Variants in PRKN observed in about 807,000 individuals in gnomAD.
PRKN encodes parkin RBR E3 ubiquitin protein ligase, also known as E3 ubiquitin-protein ligase parkin.
PRKN carries 56 observed loss-of-function variants against 59.5 expected under a neutral mutation model. The ratio of observed to expected loss-of-function variants is 0.94; its 90% CI spans 0.76 to 1.18. The LOEUF (loss-of-function observed/expected upper bound fraction) is 1.18. Among genes scored for constraint, PRKN ranks in the 50% most tolerant of loss-of-function variants. The pLI is 0.00. For synonymous variants in PRKN, 250 were observed against 222.1 expected (o/e 1.13, Z -1.12); for missense variants, 657 against 596.4 (o/e 1.10, Z -1.06).
rs1789143030 is a variant in PRKN at position 161,440,207 on chromosome 6, C to A, written c.1084-53330G>T. Among the ~76,000 whole-genome samples, 2 of 152,088 alleles carry A rather than the reference C, an allele frequency of 1.3e-5. No homozygotes were observed. The highest frequency in any genetic ancestry group is 4.1e-4 in the South Asian group (2 of 4,828). ...TGACCTCGTGATCCGCCCGTCTCGG[C>A]CTCCCAAAGTGCTGGGATTACAGGT... On this transcript the variant is annotated intron_variant, in intron 9 of 11. Coordinates refer to ENST00000366898, the MANE Select transcript of PRKN (RefSeq NM_004562.3). This position sits in a 1 kb window ranked among gnomAD's most constrained non-coding sequence, Gnocchi z 4.1.
intron 1 of PRKN, among the ~76,000 whole-genome samples, chr6:162,597,655 A>G (rs1047680486): frequency 6.6e-6 from 1 of 152,136 alleles, no homozygotes; most frequent in African/African-American, 2.4e-5. Flanking sequence ...TCCAATCTTG[A>G]TTCTTACTCC....
intron 7 of PRKN, among the ~76,000 whole-genome samples, chr6:161,701,857 T>A (rs1583025898): frequency 6.6e-6 from 1 of 152,210 alleles, no homozygotes; most frequent in African/African-American, 2.4e-5. Context: ...AAATAGCATG[T>A]ATCCCAAAAA....
rs1037159784 is a variant in PRKN, at chr6:161,503,764, G to C, written c.1083+45090C>G. On this transcript the variant is annotated intron_variant, in intron 9 of 11. Transcript: ENST00000366898. This position sits in a 1 kb window ranked among gnomAD's most constrained non-coding sequence, Gnocchi z 5.1. ...TAAACATCACTCACTGCACCACAGGGTGGCCGTGACACAAAGTCAGATGTG... is the reference window on the plus strand; with the variant it reads ...TAAACATCACTCACTGCACCACAGGCTGGCCGTGACACAAAGTCAGATGTG... Among the ~76,000 whole-genome samples the C allele has an allele frequency of 1.3e-5, 2 of 152,218 alleles. No homozygotes were observed. Among genetic ancestry groups the C allele is most frequent in the Non-Finnish European group, 2.9e-5 (2 of 68,036 alleles).
chr6:162,466,859 C>A (rs956797634), intron 1 of PRKN, among the ~76,000 whole-genome samples: 1 of 151,918 alleles, frequency 6.6e-6, no homozygotes, highest in Non-Finnish European at 1.5e-5. Context: ...TTCATCACTG[C>A]TAAGTAAGGT....
At chr6:161,699,848 T>C (rs1188520802) in intron 7 of PRKN, among the ~76,000 whole-genome samples, 1 of 152,150 alleles carries the variant, frequency 6.6e-6, no homozygotes, top group African/African-American at 2.4e-5. Context: ...ACTGTACACT[T>C]TCAACATGTG....
intron 1 of PRKN, among the ~76,000 whole-genome samples, chr6:162,651,033 A>G (rs1384634713): frequency 6.6e-6 from 1 of 152,212 alleles, no homozygotes; most frequent in Non-Finnish European, 1.5e-5. Context: ...TGCCTTTTCT[A>G]GATAGGATAG....
intron 8 of PRKN, among the ~76,000 whole-genome samples, chr6:161,563,685 T>C (rs1020087589): frequency 6.6e-6 from 1 of 152,130 alleles, no homozygotes; most frequent in Non-Finnish European, 1.5e-5. Context: ...TTAATCCAAA[T>C]CTAAAAAATC....
chr6:161,386,740 G>A lies in PRKN; in HGVS notation c.1167+54C>T. On this transcript the variant is annotated intron_variant, in intron 10 of 11. Transcript: ENST00000366898. This position sits in a 1 kb window ranked among gnomAD's most constrained non-coding sequence, Gnocchi z 4.3. ...CCATGACCTCCAGGAAACGGCTCCA[G>A]TCCCCCACTGTATCCGGAGCCCTGC... 1 of 1,368,456 alleles carries A rather than the reference G, an allele frequency of 7.3e-7. No homozygotes were observed. Among genetic ancestry groups the A allele is most frequent in the Non-Finnish European group, 1.0e-6 (1 of 956,024 alleles). The allele number at this position is 1,368,456 out of a possible 1,614,324, so 84.8% of individuals were successfully genotyped here. A position where few individuals can be genotyped will look rare whatever the true frequency, so the allele number is the denominator to read the frequency against.
In PRKN at chr6:161,353,816, G is replaced by A. The variant is rs540064087; in HGVS notation, c.1286-3605C>T. Among the ~76,000 whole-genome samples the A allele has an allele frequency of 1.8e-4, 27 of 152,240 alleles. No homozygotes were observed. Among genetic ancestry groups the A allele is most frequent in the African/African-American group, 6.5e-4 (27 of 41,540 alleles). ...TGTGGGACTGAGCCCCCAGCCTGAGGGATCAGACACTATTTCCTGGTAGAC... is the reference window on the plus strand; with the variant it reads ...TGTGGGACTGAGCCCCCAGCCTGAGAGATCAGACACTATTTCCTGGTAGAC... On this transcript the variant is annotated intron_variant, in intron 11 of 11. Transcript: ENST00000366898. This position sits in a 1 kb window ranked among gnomAD's most constrained non-coding sequence, Gnocchi z 4.8.
chr6:162,077,107 C>T (rs1044484593), intron 4 of PRKN, among the ~76,000 whole-genome samples: 1 of 152,088 alleles, frequency 6.6e-6, no homozygotes, highest in East Asian at 1.9e-4. Context: ...TCACCAGGAA[C>T]GTGGCAGACA....
chr6:162,001,338 T>C (rs952315023), intron 5 of PRKN, among the ~76,000 whole-genome samples: 14 of 152,078 alleles, frequency 9.2e-5, no homozygotes, highest in African/African-American at 3.4e-4. Flanking sequence ...ATTTTCCTCA[T>C]ACAGATCTTG....
At chr6:161,745,355 A>T (rs1788371453) in intron 7 of PRKN, among the ~76,000 whole-genome samples, 1 of 152,188 alleles carries the variant, frequency 6.6e-6, no homozygotes, top group Non-Finnish European at 1.5e-5. Flanking sequence ...GGCTGAAAGC[A>T]TTTCCTAACA....
At chr6:162,694,382 C>A (rs1054182597) in intron 1 of PRKN, among the ~76,000 whole-genome samples, 2 of 152,066 alleles carry the variant, frequency 1.3e-5, no homozygotes, top group African/African-American at 2.4e-5. Flanking sequence ...CAGCAGAATG[C>A]GAGGCCTTCA....
intron 4 of PRKN, among the ~76,000 whole-genome samples, chr6:162,135,009 A>C (rs962154697): frequency 2.0e-5 from 3 of 152,202 alleles, no homozygotes; most frequent in Non-Finnish European, 4.4e-5. Context: ...TATCACTACA[A>C]CTGGGAATAA....
intron 9 of PRKN, among the ~76,000 whole-genome samples, chr6:161,507,354 T>A (rs184955646): frequency 6.6e-6 from 1 of 152,286 alleles, no homozygotes; most frequent in Non-Finnish European, 1.5e-5. Context: ...GAATGATCCA[T>A]TTCCTATCAA....
At chr6:161,880,561 C>T (rs954861155) in intron 6 of PRKN, among the ~76,000 whole-genome samples, 1 of 152,160 alleles carries the variant, frequency 6.6e-6, no homozygotes, top group Non-Finnish European at 1.5e-5. Context: ...AAAGACAGTG[C>T]GGTCACAGCC....
At position 161,538,181 on chromosome 6, in the gene PRKN, A is replaced by G. The variant is rs1390476426; in HGVS notation, c.1083+10673T>C. On this transcript the variant is annotated intron_variant, in intron 9 of 11. Coordinates refer to ENST00000366898, the MANE Select transcript of PRKN (RefSeq NM_004562.3). This position sits in a 1 kb window ranked among gnomAD's most constrained non-coding sequence, Gnocchi z 4.2. Reference sequence around the variant, plus strand: ...GCCCGCTTGACAAATTACCTCCTAGAGTGCAAGAGTGAGGCTTATCTGCTT... The same window carrying G: ...GCCCGCTTGACAAATTACCTCCTAGGGTGCAAGAGTGAGGCTTATCTGCTT... 2.6e-5 allele frequency among the ~76,000 whole-genome samples: 4 copies of G among 152,168 alleles called. No individual in the cohort carries two copies. The highest frequency in any genetic ancestry group is 5.9e-5 in the Non-Finnish European group (4 of 68,038).
intron 2 of PRKN, among the ~76,000 whole-genome samples, chr6:162,438,781 T>C (rs1230391667): frequency 6.6e-6 from 1 of 152,192 alleles, no homozygotes; most frequent in African/African-American, 2.4e-5. Flanking sequence ...TTTGGGTTTT[T>C]CCTGTTTTAG....
intron 7 of PRKN, among the ~76,000 whole-genome samples, chr6:161,725,061 T>C (rs906380651): frequency 1.3e-5 from 2 of 152,160 alleles, no homozygotes; most frequent in Non-Finnish European, 2.9e-5. Flanking sequence ...GAGTCAAAGT[T>C]CCTTGAGGCC....
Sources: allele counts gnomAD v4.1 joint callset (sites outside exome capture counted in the v4.1 genomes callset), GRCh38; gene constraint gnomAD v4.1.1; non-coding constraint Gnocchi (gnomAD v3.1); transcripts MANE v1.5; gene names NCBI Gene and HGNC (gene_info 2026-07-23, HGNC 2026-07-21).